Variants in ADGRB3 observed in about 807,000 individuals in gnomAD.
The protein encoded by ADGRB3 is adhesion G protein-coupled receptor B3.
A neutral mutation model predicts 193.4 loss-of-function variants in ADGRB3; 37 were observed. The observed-to-expected ratio is 0.19, with a 90% confidence interval of 0.15 to 0.25. The LOEUF (loss-of-function observed/expected upper bound fraction) is 0.25, where lower values mean the gene tolerates loss of function less well. ADGRB3 is among the 10% of genes least tolerant of loss of function. ADGRB3 has a pLI of 1.00. For synonymous variants in ADGRB3, 690 were observed against 644.2 expected (o/e 1.07, Z -1.08); for missense variants, 1,637 against 1,852.9 (o/e 0.88, Z 2.14).
chr6:68,719,334 T>A (rs1441938926), intron 3 of ADGRB3, among the ~76,000 whole-genome samples: 1 of 151,732 alleles, frequency 6.6e-6, no homozygotes, highest in East Asian at 1.9e-4. Flanking sequence ...GTATGACTAG[T>A]GTGACCGAAT....
At chr6:69,200,327 G>T (rs535445531) in intron 17 of ADGRB3, among the ~76,000 whole-genome samples, 22 of 152,074 alleles carry the variant, frequency 1.4e-4, no homozygotes, top group African/African-American at 3.9e-4. Context: ...CATTAGTTTG[G>T]CAAGCATATA....
At chr6:69,229,141 G>A (rs1199188027) in intron 17 of ADGRB3, among the ~76,000 whole-genome samples, 1 of 152,076 alleles carries the variant, frequency 6.6e-6, no homozygotes, top group Non-Finnish European at 1.5e-5. Context: ...CATAGTAACA[G>A]CTGCTGAAAA....
chr6:68,666,261 A>G (rs1327127907), intron 3 of ADGRB3, among the ~76,000 whole-genome samples: 1 of 151,846 alleles, frequency 6.6e-6, no homozygotes, highest in Non-Finnish European at 1.5e-5. Flanking sequence ...AGTCTCTGCC[A>G]CTCAGAATTA....
At chr6:68,982,758 AT>A (rs1363132923) in intron 10 of ADGRB3, among the ~76,000 whole-genome samples, 1 of 152,122 alleles carries the variant, frequency 6.6e-6, no homozygotes, top group African/African-American at 2.4e-5. Flanking sequence ...TCTCAGCAGG[AT>A]TTTTAGGGCC....
intron 3 of ADGRB3, among the ~76,000 whole-genome samples, chr6:68,732,709 G>GA (rs1765796706): frequency 6.6e-6 from 1 of 151,952 alleles, no homozygotes; most frequent in African/African-American, 2.4e-5. Flanking sequence ...CTGTGTAGCA[G>GA]AATCTTTGTG....
chr6:69,024,763 T>G (rs1422789723), intron 13 of ADGRB3, among the ~76,000 whole-genome samples: 1 of 152,186 alleles, frequency 6.6e-6, no homozygotes, highest in African/African-American at 2.4e-5. Flanking sequence ...TTTGAAAAGG[T>G]AAATATTACT....
intron 3 of ADGRB3, among the ~76,000 whole-genome samples, chr6:68,802,360 GTTATA>G (rs1187853826): frequency 2.6e-4 from 40 of 152,174 alleles, no homozygotes; most frequent in African/African-American, 8.9e-4. Flanking sequence ...AATATAAAAT[GTTATA>G]TTATAGATAT....
At chr6:69,258,168 A>G (rs555597431) in intron 20 of ADGRB3, among the ~76,000 whole-genome samples, 1 of 151,298 alleles carries the variant, frequency 6.6e-6, no homozygotes, top group African/African-American at 2.4e-5. Flanking sequence ...AATGACAACT[A>G]TTTGTGTCAG....
intron 3 of ADGRB3, among the ~76,000 whole-genome samples, chr6:68,823,292 G>A (rs1767780291): frequency 6.6e-6 from 1 of 151,814 alleles, no homozygotes; most frequent in South Asian, 2.1e-4. Context: ...AGAAAACAAT[G>A]CTTTTATGAT....
chr6:68,895,787 TTTC>T (rs1766202759), intron 3 of ADGRB3, among the ~76,000 whole-genome samples: 1 of 152,020 alleles, frequency 6.6e-6, no homozygotes, highest in Non-Finnish European at 1.5e-5. Flanking sequence ...AGTGTTTTTT[TTTC>T]CTCCTGAATT....
At chr6:68,977,267 G>T (rs1405656493) in intron 10 of ADGRB3, among the ~76,000 whole-genome samples, 2 of 151,324 alleles carry the variant, frequency 1.3e-5, no homozygotes, top group African/African-American at 2.4e-5. Context: ...TTCAAAATTA[G>T]GTATAAGTAA....
chr6:69,305,920 T>C (rs1212746766), intron 20 of ADGRB3, among the ~76,000 whole-genome samples: 4 of 151,580 alleles, frequency 2.6e-5, no homozygotes, highest in Non-Finnish European at 5.9e-5. Context: ...AACTTGAATT[T>C]ACCATGCATA....
At chr6:69,241,128 G>A (rs192483925) in intron 20 of ADGRB3, among the ~76,000 whole-genome samples, 88 of 151,878 alleles carry the variant, frequency 5.8e-4, no homozygotes, top group African/African-American at 2.1e-3. Flanking sequence ...GAGCCAAATG[G>A]TACTACAGAC....
chr6:68,970,171 C>A (rs1415033), intron 8 of ADGRB3, among the ~76,000 whole-genome samples: 34,542 of 152,090 alleles, frequency 0.23, 4,074 homozygotes, highest in Non-Finnish European at 0.26. Flanking sequence ...TAAAATAGCA[C>A]CCTGTACTTA....
At chr6:69,060,597 T>C (rs1359941364) in intron 15 of ADGRB3, among the ~76,000 whole-genome samples, 2 of 152,006 alleles carry the variant, frequency 1.3e-5, no homozygotes, top group East Asian at 3.8e-4. Flanking sequence ...TAATTAAAAT[T>C]GGTAATCATT....
At chr6:68,803,231 G>A (rs191344072) in intron 3 of ADGRB3, among the ~76,000 whole-genome samples, 12 of 152,236 alleles carry the variant, frequency 7.9e-5, no homozygotes, top group African/African-American at 2.9e-4. Context: ...CAATCCAAGA[G>A]CTGGGCATGG....
At chr6:69,249,925 A>G (rs1480061969) in intron 20 of ADGRB3, among the ~76,000 whole-genome samples, 1 of 152,238 alleles carries the variant, frequency 6.6e-6, no homozygotes. Context: ...AAGTAAGTAA[A>G]TTAAAATATT....
chr6:69,094,474 C>T (rs1014471887), intron 17 of ADGRB3, among the ~76,000 whole-genome samples: 3 of 152,154 alleles, frequency 2.0e-5, no homozygotes, highest in African/African-American at 7.2e-5. Context: ...AACAGACTAA[C>T]ACACAAATGC....
chr6:68,943,776 T>C, intron 5 of ADGRB3, 54 bp from the exon 6 acceptor site: 1 of 1,429,656 alleles, frequency 7.0e-7, no homozygotes, highest in Non-Finnish European at 9.4e-7. Flanking sequence ...AAGAAAATGA[T>C]CTTTGATTTT....
Sources: allele counts gnomAD v4.1 joint callset (sites outside exome capture counted in the v4.1 genomes callset), GRCh38; gene constraint gnomAD v4.1.1; transcripts MANE v1.5; gene names NCBI Gene and HGNC (gene_info 2026-07-23, HGNC 2026-07-21).